The following TENM4 variants were observed in gnomAD, a reference collection of about 807,000 sequenced individuals.
TENM4 encodes teneurin-4.
In TENM4, 82 loss-of-function variants were observed where a neutral mutation model predicts 243.3. The ratio of observed to expected loss-of-function variants is 0.34; its 90% confidence interval spans 0.28 to 0.40. TENM4 has a LOEUF of 0.40. Among genes scored for constraint, TENM4 ranks in the 10% least tolerant of loss-of-function variants. The pLI is 1.00. For synonymous variants in TENM4, 1,412 were observed against 1,456.3 expected, an observed-to-expected ratio of 0.97 and a Z score of 0.69; for missense variants, 3,138 against 3,673.3, an observed-to-expected ratio of 0.85 and a Z score of 3.77.
chr11:78,712,592 A>G lies in TENM4; in HGVS notation c.3944T>C (p.Val1315Ala). The G allele has an allele frequency of 6.2e-7, 1 of 1,613,976 alleles. No homozygotes were observed. Among genetic ancestry groups the G allele is most frequent in the South Asian group, 1.1e-5 (1 of 91,076 alleles). ...IKSTVVVKDL[V>A]KNSEVVAGTG... is the part of the protein sequence containing the mutation. The stretch of plus-strand genomic sequence containing the variant: ...CCCCGCAACCACCTCAGAGTTCTTG[A>G]CAAGGTCCTTCACCACCACAGTGGA... The change falls in exon 26 of 34, where the codon GTC (valine) becomes GCC (alanine). Residue 1315 changes from valine (V) to alanine (A), a missense_variant. Around this residue, in one of 2 missense-constraint regions of TENM4, gnomAD observed 2,467 missense variants for 3,059.1 expected, o/e 0.81. Transcript: ENST00000278550.
intron 4 of TENM4, among the ~76,000 whole-genome samples, chr11:79,104,881 G>A (rs1020999501): frequency 6.6e-6 from 1 of 152,174 alleles, no homozygotes; most frequent in Non-Finnish European, 1.5e-5. Flanking sequence ...CCATCCCTTG[G>A]GCAAATACTG....
chr11:78,909,675 G>A (rs1449151668), intron 6 of TENM4, among the ~76,000 whole-genome samples: 7 of 152,388 alleles, frequency 4.6e-5, no homozygotes, highest in South Asian at 4.1e-4. Flanking sequence ...TCAGGCTCAG[G>A]AAAGGTTTCT....
chr11:78,905,114 A>G (rs544717320), intron 6 of TENM4, among the ~76,000 whole-genome samples: 5 of 152,346 alleles, frequency 3.3e-5, no homozygotes, highest in Admixed American at 2.0e-4. Flanking sequence ...AAATGAGGCA[A>G]TTGGTAGGAA....
intron 29 of TENM4, among the ~76,000 whole-genome samples, chr11:78,677,774 C>CTT (rs1273682441): frequency 1.1e-4 from 16 of 145,480 alleles, no homozygotes; most frequent in African/African-American, 3.5e-4. Flanking sequence ...AACTTAGATT[C>CTT]TTTTTTTTTT....
chr11:79,158,081 C>A (rs1317630454), intron 3 of TENM4, among the ~76,000 whole-genome samples: 1 of 152,196 alleles, frequency 6.6e-6, no homozygotes, highest in African/African-American at 2.4e-5. Flanking sequence ...ACCCAGGGAC[C>A]CTCCTCCTGC....
chr11:78,918,241 C>G (rs530884688), intron 6 of TENM4, among the ~76,000 whole-genome samples: 22 of 152,210 alleles, frequency 1.4e-4, no homozygotes, highest in African/African-American at 5.3e-4. Context: ...CGTCAATGCC[C>G]TCCTACTCCT....
At position 78,805,277 on chromosome 11, in the gene TENM4, T is replaced by TGCCCCCCCCCCCCCCC; in HGVS notation, c.2179+14_2179+15insGGGGGGGGGGGGGGGC. On this transcript the variant is annotated intron_variant, in intron 15 of 33. Coordinates refer to ENST00000278550, the MANE Select transcript of TENM4 (RefSeq NM_001098816.3). ...CCCCTCCCTCTACCCATGCTTCTTC[T>TGCCCCCCCCCCCCCCC]CCCCCTGCATTTACCGATAGAACAG... The TGCCCCCCCCCCCCCCC allele has an allele frequency of 4.6e-5, 65 of 1,402,516 alleles. No individual in the cohort carries two copies. The highest frequency in any genetic ancestry group is 5.7e-5 in the Non-Finnish European group (59 of 1,033,086). 86.9% of individuals were successfully genotyped at this position (1,402,516 alleles called of 1,614,324 possible).
chr11:78,676,708 G>C (rs1416133972), intron 29 of TENM4, among the ~76,000 whole-genome samples: 1 of 152,072 alleles, frequency 6.6e-6, no homozygotes, highest in Non-Finnish European at 1.5e-5. Context: ...TCATGTTACT[G>C]AATATTTTTC....
At chr11:79,062,686 T>C (rs2136977759) in intron 6 of TENM4, among the ~76,000 whole-genome samples, 1 of 152,310 alleles carries the variant, frequency 6.6e-6, no homozygotes, top group African/African-American at 2.4e-5. Context: ...CTATTTATTT[T>C]ATAGATGAGG....
chr11:78,896,621 C>T (rs1022102856), intron 7 of TENM4, among the ~76,000 whole-genome samples: 14 of 152,064 alleles, frequency 9.2e-5, no homozygotes, highest in African/African-American at 3.1e-4. Flanking sequence ...GCCATCTCTC[C>T]AAAATGCCAA....
In TENM4 at chr11:79,352,489, C is replaced by A. The variant is rs148754943; in HGVS notation, c.-320-54946G>T. The stretch of plus-strand genomic sequence containing the variant: ...CCAAATGGGCTCCTCACACCACTGC[C>A]TGGGTGACATCGTGGGAACAGAGAG... On this transcript the variant is annotated intron_variant, in intron 1 of 33. Transcript: ENST00000278550. Among the ~76,000 whole-genome samples, 968 of 152,370 alleles carry A rather than the reference C, an allele frequency of 6.4e-3. 5 individuals carry two copies. Among genetic ancestry groups the A allele is most frequent in the Non-Finnish European group, 0.011 (717 of 68,042 alleles).
At position 78,658,834 on chromosome 11, in the gene TENM4, T is replaced by A. The variant is rs1048055107; in HGVS notation, c.7552-18A>T. The A allele has an allele frequency of 1.1e-5, 17 of 1,597,442 alleles. No individual in the cohort carries two copies. The highest frequency in any genetic ancestry group is 2.0e-4 in the Middle Eastern group (1 of 4,910). On this transcript the variant is annotated intron_variant, in intron 33 of 33. Transcript: ENST00000278550. ...AGGATAGACTGATGGGGGAGGAGAG[T>A]GAGAGAGAGAGTAAGACAAAGGGGA...
intron 6 of TENM4, among the ~76,000 whole-genome samples, chr11:79,005,487 A>C (rs1277932693): frequency 6.6e-6 from 1 of 152,182 alleles, no homozygotes; most frequent in African/African-American, 2.4e-5. Context: ...CATAAACAAA[A>C]CTCAAAACAA....
intron 6 of TENM4, among the ~76,000 whole-genome samples, chr11:78,918,185 T>C (rs1355398650): frequency 6.6e-6 from 1 of 152,188 alleles, no homozygotes; most frequent in Non-Finnish European, 1.5e-5. Context: ...CTGAAAATAG[T>C]ACTATTATTA....
intron 6 of TENM4, among the ~76,000 whole-genome samples, chr11:79,023,314 C>T (rs1858983384): frequency 6.6e-6 from 1 of 152,094 alleles, no homozygotes; most frequent in Non-Finnish European, 1.5e-5. Flanking sequence ...AATCCCAGCA[C>T]TTTGGGAGGC....
intron 3 of TENM4, among the ~76,000 whole-genome samples, chr11:79,169,446 G>A (rs1000173947): frequency 6.6e-6 from 1 of 152,098 alleles, no homozygotes; most frequent in Non-Finnish European, 1.5e-5. Context: ...GGGCATATTG[G>A]CAGTGGGAAC....
At chr11:79,293,821 G>C (rs1856397879) in intron 2 of TENM4, among the ~76,000 whole-genome samples, 1 of 152,218 alleles carries the variant, frequency 6.6e-6, no homozygotes, top group South Asian at 2.1e-4. Context: ...ACAGGGACCA[G>C]AGGCTAGCAC....
intron 1 of TENM4, among the ~76,000 whole-genome samples, chr11:79,298,471 C>T (rs1432793087): frequency 9.1e-5 from 13 of 143,412 alleles, no homozygotes; most frequent in African/African-American, 3.1e-4. Context: ...GCCGAGATTG[C>T]GCCACTGCAG....
rs536016256 is a variant in TENM4 at position 79,305,072 on chromosome 11, T to G, written c.-320-7529A>C. ...CTCAGCAACTTTCTACTCACCCTCTTTCATTTAACAAGCAATGTTGATTGC... is the reference window on the plus strand; with the variant it reads ...CTCAGCAACTTTCTACTCACCCTCTGTCATTTAACAAGCAATGTTGATTGC... On this transcript the variant is annotated intron_variant, in intron 1 of 33. Coordinates refer to ENST00000278550, the MANE Select transcript of TENM4 (RefSeq NM_001098816.3). Among the ~76,000 whole-genome samples, 3 of 152,286 alleles carry G rather than the reference T, an allele frequency of 2.0e-5. No individual in the cohort carries two copies. In the East Asian group the frequency reaches 5.8e-4, roughly 29 times the overall value.
Sources: gnomAD v4.1 joint callset for allele counts (sites outside exome capture counted in the v4.1 genomes callset) on GRCh38, gnomAD v4.1.1 for gene constraint, gnomAD v4.1.1 regional missense constraint, MANE v1.5 for transcripts, NCBI Gene and HGNC (gene_info 2026-07-23, HGNC 2026-07-21) for gene names.